DIABLO: variants seen among roughly 807,000 people sequenced by gnomAD.
DIABLO encodes diablo homolog, mitochondrial.
DIABLO carries 32 observed loss-of-function variants against 31.7 expected under a neutral mutation model. That is an observed-to-expected ratio of 1.01 (90% CI 0.76 to 1.35). DIABLO has a LOEUF of 1.35. DIABLO is among the 40% of genes most tolerant of loss of function. The pLI is 0.00. For missense variants in DIABLO, 316 were observed against 286.4 expected, an observed-to-expected ratio of 1.10 and a Z score of -0.75; for synonymous variants, 132 against 103.2, an observed-to-expected ratio of 1.28 and a Z score of -1.69.
intron 5 of DIABLO, among the ~76,000 whole-genome samples, chr12:122,213,507 G>GAAAAA (rs368276624): frequency 0.31 from 41,727 of 135,700 alleles, 6,780 homozygotes; most frequent in East Asian, 0.64. Context: ...TTGTCTCAGG[G>GAAAAA]AAAAAAAAAA....
chr12:122,215,280 CA>C lies in DIABLO; in HGVS notation c.523+1207del, dbSNP rs112216922. Among the ~76,000 whole-genome samples, 386 of 140,896 alleles carry C rather than the reference CA, an allele frequency of 2.7e-3. 4 individuals are homozygous for C. The highest frequency in any genetic ancestry group is 0.023 in the South Asian group (101 of 4,298). The allele number at this position is 140,896 out of a possible 152,430, so 92.4% of individuals were successfully genotyped here. ...GGGCACCAAGAGTGAAACTCTGTCT[CA>C]AAAAAAAAAAAATTTGGCCGGACAC... is the stretch of plus-strand genomic sequence containing the variant. On this transcript the variant is annotated intron_variant, in intron 5 of 5. Transcript: ENST00000464942.
At chr12:122,208,616 AG>A (rs1566020089) in intron 5 of DIABLO, 39 bp from the exon 6 acceptor site, 3 of 1,596,634 alleles carry the variant, frequency 1.9e-6, no homozygotes, top group Non-Finnish European at 2.6e-6. Context: ...GCAGCCGTGC[AG>A]GGCGCGGAAG....
rs1388481840 is a variant in DIABLO, at chr12:122,224,554, C to T, written c.141G>A (p.Thr47=). ...ELIRPWHKTV[T]IGFGVTLCAV... is the part of the protein sequence containing the mutation. ...CACACAGGGTTACTCCAAAGCCAAT[C>T]GTCACAGTTTTGTGCCATGGTCTTA... Residue 47 remains threonine (T), a synonymous_variant, in exon 2 of 6, where the codon ACG becomes ACA. Coordinates refer to ENST00000464942, the MANE Select transcript of DIABLO (RefSeq NM_001371333.1). The T allele has an allele frequency of 1.9e-6, 3 of 1,613,792 alleles. No homozygotes were observed. The highest frequency in any genetic ancestry group is 2.5e-6 in the Non-Finnish European group (3 of 1,180,014).
At position 122,226,048 on chromosome 12, in the gene DIABLO, G is replaced by C. The variant is rs1282297552; in HGVS notation, c.-34C>G. The C allele has an allele frequency of 1.3e-6, 2 of 1,592,216 alleles. No homozygotes were observed. Among genetic ancestry groups the C allele is most frequent in the African/African-American group, 2.7e-5 (2 of 74,514 alleles). On this transcript the variant is annotated 5_prime_UTR_variant, in exon 1 of 6. Coordinates refer to ENST00000464942, the MANE Select transcript of DIABLO (RefSeq NM_001371333.1). Reference sequence around the variant, plus strand: ...GCGCGGACGCCAGACGCACACGCCGGAAGTGACGCAGCTTCGTGAGCGCGG... The same window carrying C: ...GCGCGGACGCCAGACGCACACGCCGCAAGTGACGCAGCTTCGTGAGCGCGG...
At chr12:122,226,141 G>A (rs1280509035), upstream of DIABLO, 16 of 1,395,304 alleles carry the variant, frequency 1.1e-5, no homozygotes, top group Admixed American at 2.0e-5. Context: ...GGAAGCAGTC[G>A]GGATTGGGCA....
intron 2 of DIABLO, among the ~76,000 whole-genome samples, chr12:122,219,664 G>A (rs1444595928): frequency 1.3e-5 from 2 of 151,724 alleles, no homozygotes; most frequent in African/African-American, 4.8e-5. Flanking sequence ...AGACCAGCCT[G>A]GCCAACATGG....
At position 122,225,981 on chromosome 12, in the gene DIABLO, C is replaced by T; in HGVS notation, c.34G>A (p.Val12Ile). The change falls in exon 1 of 6, where the codon GTA becomes ATA. Residue 12 changes from valine (V) to isoleucine (I), a missense_variant. By Grantham distance (29) the Val-to-Ile change is conservative. Transcript: ENST00000464942. ...AALKSWLSRS[V>I]TSFFRYRQCL... Reference sequence around the variant, plus strand: ...CAGCGGTACCTGAAGAATGAAGTTACGCTGCGCGACAGCCAACTCTTCAGA... The same window carrying T: ...CAGCGGTACCTGAAGAATGAAGTTATGCTGCGCGACAGCCAACTCTTCAGA... 1.2e-6 allele frequency: 2 copies of T among 1,600,960 alleles called. No individual in the cohort carries two copies. Among genetic ancestry groups the T allele is most frequent in the Non-Finnish European group, 1.7e-6 (2 of 1,174,574 alleles).
upstream of DIABLO, chr12:122,226,086 C>G (rs1222365578): frequency 7.1e-6 from 11 of 1,551,154 alleles, no homozygotes; most frequent in Non-Finnish European, 9.6e-6. Flanking sequence ...CGGGGCACGG[C>G]CTCCACCTGA....
intron 5 of DIABLO, among the ~76,000 whole-genome samples, chr12:122,212,938 TA>T (rs948189582): frequency 1.3e-5 from 2 of 151,750 alleles, no homozygotes; most frequent in African/African-American, 4.9e-5. Flanking sequence ...TTTTTGTTTT[TA>T]AGACAGGGTC....
At chr12:122,216,913 A>G (rs888512007) in intron 3 of DIABLO, 44 bp from the exon 4 acceptor site, 5 of 1,504,254 alleles carry the variant, frequency 3.3e-6, no homozygotes, top group East Asian at 2.3e-5. Flanking sequence ...TAAGTGAGAC[A>G]TATCAGAAGG....
intron 2 of DIABLO, among the ~76,000 whole-genome samples, chr12:122,223,409 G>T (rs1954376335): frequency 6.6e-6 from 1 of 150,922 alleles, no homozygotes; most frequent in Non-Finnish European, 1.5e-5. Context: ...ACTGCAGCCT[G>T]GCAACAGAGT....
Position 122,207,921 on chromosome 12 carries a change from T to A in DIABLO, c.*460A>T. The A allele has an allele frequency of 2.2e-6, 1 of 460,724 alleles. No homozygotes were observed. Among genetic ancestry groups the A allele is most frequent in the Non-Finnish European group, 4.3e-6 (1 of 231,484 alleles). The allele number at this position is 460,724 out of a possible 1,614,324, so 28.5% of individuals were successfully genotyped here. On this transcript the variant is annotated 3_prime_UTR_variant, in exon 6 of 6. Transcript: ENST00000464942. ...GATCAGAGAACACATCAGAAATACA[T>A]ACAAAGAAATCGTACAAACTGGACA...
chr12:122,210,684 A>G (rs2136084591), intron 5 of DIABLO, among the ~76,000 whole-genome samples: 1 of 152,148 alleles, frequency 6.6e-6, no homozygotes, highest in East Asian at 1.9e-4. Flanking sequence ...CAGGTGATAT[A>G]TCAACTTTTT....
At chr12:122,219,407 CAG>C (rs1351802956) in intron 2 of DIABLO, among the ~76,000 whole-genome samples, 4 of 152,042 alleles carry the variant, frequency 2.6e-5, no homozygotes, top group Admixed American at 6.6e-5. Flanking sequence ...GATGGGCTAA[CAG>C]AACTAGAAAA....
At position 122,225,959 on chromosome 12, in the gene DIABLO, C is replaced by T. The variant is rs745553995; in HGVS notation, c.50+6G>A. On this transcript the variant is annotated splice_donor_region_variant and intron_variant, in intron 1 of 5. Transcript: ENST00000464942. ...TCCTGTCCCCTCTACGCGGCCGCAGCGGTACCTGAAGAATGAAGTTACGCT... is the reference window on the plus strand; with the variant it reads ...TCCTGTCCCCTCTACGCGGCCGCAGTGGTACCTGAAGAATGAAGTTACGCT... 6.3e-7 allele frequency: 1 copy of T among 1,591,640 alleles called. No individual in the cohort carries two copies. The highest frequency in any genetic ancestry group is 8.5e-7 in the Non-Finnish European group (1 of 1,169,752).
intron 5 of DIABLO, among the ~76,000 whole-genome samples, chr12:122,210,564 A>G (rs1263774929): frequency 6.6e-6 from 1 of 151,094 alleles, no homozygotes; most frequent in Non-Finnish European, 1.5e-5. Flanking sequence ...TTATTTTAGT[A>G]GAGACGGGGT....
intron 5 of DIABLO, among the ~76,000 whole-genome samples, chr12:122,215,936 C>G (rs1954202238): frequency 6.8e-6 from 1 of 147,148 alleles, no homozygotes; most frequent in African/African-American, 2.5e-5. Context: ...AGCTTGGCTG[C>G]TTACTCACCA....
chr12:122,226,125 AC>A, upstream of DIABLO: 1 of 1,468,368 alleles, frequency 6.8e-7, no homozygotes, highest in Non-Finnish European at 9.2e-7. Context: ...CCACGCCCCC[AC>A]CCAAGGAAGC....
chr12:122,226,076 C>G (rs777713675), upstream of DIABLO: 1 of 1,560,120 alleles, frequency 6.4e-7, no homozygotes, highest in Non-Finnish European at 8.7e-7. Flanking sequence ...GAGCGCGGAG[C>G]GGGGCACGGC....
Sources: allele counts gnomAD v4.1 joint callset (sites outside exome capture counted in the v4.1 genomes callset), GRCh38; gene constraint gnomAD v4.1.1; transcripts MANE v1.5; gene names NCBI Gene and HGNC (gene_info 2026-07-23, HGNC 2026-07-21).